Variants in PADI2 observed in about 807,000 individuals in gnomAD.
PADI2 encodes peptidyl arginine deiminase 2, also known as protein-arginine deiminase type-2.
In PADI2, 70 loss-of-function variants were observed where a neutral mutation model predicts 81.1. The observed-to-expected ratio is 0.86, with a 90% confidence interval of 0.71 to 1.05. The LOEUF is 1.05. Ranked by LOEUF, PADI2 falls within the 50% of genes least tolerant of loss-of-function variation. The pLI, the probability that PADI2 is intolerant of heterozygous loss-of-function variation, is 0.00. For missense variants in PADI2, 853 were observed against 889.9 expected, an observed-to-expected ratio of 0.96 and a Z score of 0.53; for synonymous variants, 338 against 358.0, an observed-to-expected ratio of 0.94 and a Z score of 0.63.
chr1:17,086,173 C>T (rs960222692), intron 7 of PADI2, among the ~76,000 whole-genome samples: 1 of 152,164 alleles, frequency 6.6e-6, no homozygotes, highest in African/African-American at 2.4e-5. Context: ...GCAAACCCCA[C>T]CTGGGTGGCT....
chr1:17,104,947 C>A lies in PADI2; in HGVS notation c.207G>T (p.Trp69Cys). 6.2e-7 allele frequency: 1 copy of A among 1,608,442 alleles called. No individual in the cohort carries two copies. The highest frequency in any genetic ancestry group is 8.5e-7 in the Non-Finnish European group (1 of 1,179,180). ...EEVATNGKQRWLLSPSTTLRV... is the reference protein window; with the variant it reads ...EEVATNGKQRCLLSPSTTLRV... The stretch of plus-strand genomic sequence containing the variant: ...GCAGGGTGGTGCTGGGCGAGAGAAG[C>A]CAGCGCTGCTTGCCATTGGTGGCCA... The change falls in exon 2 of 16, where the codon TGG (tryptophan) becomes TGT (cysteine). Residue 69 changes from tryptophan (W) to cysteine (C), a missense_variant. Coordinates refer to ENST00000375486, the MANE Select transcript of PADI2 (RefSeq NM_007365.3).
chr1:17,110,805 G>T (rs1389092183), intron 1 of PADI2, among the ~76,000 whole-genome samples: 1 of 152,166 alleles, frequency 6.6e-6, no homozygotes, highest in Non-Finnish European at 1.5e-5. Flanking sequence ...TGCCCCCACA[G>T]TTACTGGCCC....
intron 1 of PADI2, among the ~76,000 whole-genome samples, chr1:17,113,397 GC>G (rs1179171919): frequency 1.3e-5 from 2 of 152,122 alleles, no homozygotes; most frequent in African/African-American, 4.8e-5. Flanking sequence ...ACCCCATGAG[GC>G]CCATACCACT....
rs1466703178 is a variant in PADI2 at position 17,067,672 on chromosome 1, C to T, written c.*1372G>A. On this transcript the variant is annotated 3_prime_UTR_variant, in exon 16 of 16. Coordinates refer to ENST00000375486, the MANE Select transcript of PADI2 (RefSeq NM_007365.3). The stretch of plus-strand genomic sequence containing the variant: ...GGACCAGGTCCAGACTGCTACTAAC[C>T]ACTGTGTTTGCAGAGCCCAACGCCG... 1.3e-5 allele frequency: 2 copies of T among 152,228 alleles called. No individual in the cohort carries two copies. The highest frequency in any genetic ancestry group is 1.3e-4 in the Admixed American group (2 of 15,278). The allele number at this position is 152,228 out of a possible 1,614,324, so 9.4% of individuals were successfully genotyped here. A position where few individuals can be genotyped will look rare whatever the true frequency, so the allele number is the denominator to read the frequency against.
Position 17,104,922 on chromosome 1 carries a change from G to T in PADI2, c.232C>A (p.Arg78=), listed in dbSNP as rs187842443. The T allele has an allele frequency of 1.3e-5, 21 of 1,600,860 alleles. No individual in the cohort carries two copies. The Admixed American group carries it at 1.3e-4, about 10-fold the overall frequency. ...RWLLSPSTTL[R]VTMSQASTEA... Reference sequence around the variant, plus strand: ...GTGCTCGCCTGGCTCATGGTGACCCGCAGGGTGGTGCTGGGCGAGAGAAGC... The same window carrying T: ...GTGCTCGCCTGGCTCATGGTGACCCTCAGGGTGGTGCTGGGCGAGAGAAGC... The change falls in exon 2 of 16, where the codon CGG becomes AGG. Residue 78 remains arginine (R), a synonymous_variant. Coordinates refer to ENST00000375486, the MANE Select transcript of PADI2 (RefSeq NM_007365.3).
chr1:17,113,251 CTATTATTATTATTAT>C (rs67222510), intron 1 of PADI2, among the ~76,000 whole-genome samples: 128 of 148,456 alleles, frequency 8.6e-4, no homozygotes, highest in Non-Finnish European at 1.4e-3. Context: ...TGAGTATTTA[CTATTATTATTATTAT>C]TATTATTATT....
At chr1:17,085,530 G>C (rs1054912410) in intron 7 of PADI2, among the ~76,000 whole-genome samples, 2 of 152,200 alleles carry the variant, frequency 1.3e-5, no homozygotes, top group African/African-American at 4.8e-5. Flanking sequence ...AGGGTGCTTT[G>C]TAAGTAGAAC....
intron 3 of PADI2, 39 bp from the exon 4 acceptor site, chr1:17,096,009 A>G: frequency 6.5e-7 from 1 of 1,530,408 alleles, no homozygotes; most frequent in Non-Finnish European, 9.0e-7. Context: ...TGAGCCTGCC[A>G]GGCAGGGCAG....
intron 13 of PADI2, among the ~76,000 whole-genome samples, chr1:17,074,054 T>C (rs912229157): frequency 1.3e-5 from 2 of 152,238 alleles, no homozygotes; most frequent in Non-Finnish European, 2.9e-5. Context: ...ACAAGCTCCT[T>C]GAATGCAGAT....
At chr1:17,106,536 G>T (rs752996942) in intron 1 of PADI2, among the ~76,000 whole-genome samples, 1 of 151,476 alleles carries the variant, frequency 6.6e-6, no homozygotes, top group Non-Finnish European at 1.5e-5. Flanking sequence ...TCTGCCTCCC[G>T]GGTTCAAGCT....
chr1:17,098,718 C>A (rs1388674187), intron 3 of PADI2, among the ~76,000 whole-genome samples: 2 of 152,216 alleles, frequency 1.3e-5, no homozygotes, highest in Non-Finnish European at 2.9e-5. Flanking sequence ...GACCCATGAC[C>A]TGTCCCCATA....
intron 3 of PADI2, among the ~76,000 whole-genome samples, chr1:17,102,011 C>G (rs1931162436): frequency 6.6e-6 from 1 of 152,178 alleles, no homozygotes; most frequent in African/African-American, 2.4e-5. Flanking sequence ...TCCCCCTCCT[C>G]CTCCTCATCA....
Position 17,105,059 on chromosome 1 carries a change from G to A in PADI2, c.95C>T (p.Ala32Val), listed in dbSNP as rs148878349. 52 of 1,563,568 alleles carry A rather than the reference G, an allele frequency of 3.3e-5. No homozygotes were observed. In the African/African-American group the frequency reaches 3.8e-4, roughly 11 times the overall value. The change falls in exon 2 of 16, where the codon GCG becomes GTG. Residue 32 changes from alanine to valine, a missense_variant and splice_region_variant. By Grantham distance (64) the Ala-to-Val change is moderately conservative (BLOSUM62 0). Transcript: ENST00000375486. ...GTYLWTDVYS[A>V]APAGAQTFSL... is the part of the protein sequence containing the mutation. ...GAAGGTTTGGGCCCCGGCTGGGGCC[G>A]CGCTGTGGGGAGAGATGAGAGAGGG...
chr1:17,112,569 G>A (rs550740393), intron 1 of PADI2, among the ~76,000 whole-genome samples: 1 of 152,198 alleles, frequency 6.6e-6, no homozygotes, highest in Admixed American at 6.5e-5. Flanking sequence ...ACCCCATGGC[G>A]AGCAAGAGGC....
At chr1:17,074,395 A>G (rs78990601) in intron 13 of PADI2, among the ~76,000 whole-genome samples, 1 of 29,502 alleles carries the variant, frequency 3.4e-5, no homozygotes, top group Admixed American at 3.2e-4. Flanking sequence ...TCTGTCTCAA[A>G]AAAAAAAAAA....
At chr1:17,100,010 C>G (rs1931084386) in intron 3 of PADI2, among the ~76,000 whole-genome samples, 1 of 149,974 alleles carries the variant, frequency 6.7e-6, no homozygotes, top group Non-Finnish European at 1.5e-5. Context: ...TTTTTGTGCC[C>G]AGGGGACAGT....
intron 11 of PADI2, among the ~76,000 whole-genome samples, chr1:17,078,772 T>C (rs1290919434): frequency 6.6e-6 from 1 of 152,212 alleles, no homozygotes; most frequent in East Asian, 1.9e-4. Flanking sequence ...CTCAGCTCAC[T>C]GCAACCTCCA....
chr1:17,069,386 CTG>C (rs2078248782), intron 15 of PADI2, 109 bp from the exon 16 acceptor site: 1 of 815,262 alleles, frequency 1.2e-6, no homozygotes, highest in Non-Finnish European at 2.0e-6. Context: ...GAAGTAGTAA[CTG>C]TGATTGGATA....
intron 1 of PADI2, among the ~76,000 whole-genome samples, chr1:17,105,831 C>A (rs747712839): frequency 5.9e-5 from 9 of 152,196 alleles, no homozygotes; most frequent in African/African-American, 9.6e-5. Context: ...AACATGAAAT[C>A]TCTTGGGCCA....
Sources: allele counts gnomAD v4.1 joint callset (sites outside exome capture counted in the v4.1 genomes callset), GRCh38; gene constraint gnomAD v4.1.1; transcripts MANE v1.5; gene names NCBI Gene and HGNC (gene_info 2026-07-23, HGNC 2026-07-21).